Variants in TKTL1 observed in about 807,000 individuals in gnomAD.
TKTL1 encodes transketolase like 1, also known as transketolase-like protein 1.
Under a neutral mutation model 39.3 loss-of-function variants are expected in TKTL1, and 1 was observed. That is an observed-to-expected ratio of 0.03 (90% confidence interval 0.01 to 0.12). The LOEUF (loss-of-function observed/expected upper bound fraction) is 0.12. Ranked by LOEUF, TKTL1 falls within the 10% of genes least tolerant of loss-of-function variation. The pLI, the probability that TKTL1 is intolerant of heterozygous loss-of-function variation, is 1.00. For synonymous variants in TKTL1, 262 were observed against 193.8 expected, an observed-to-expected ratio of 1.35 and a Z score of -2.92; for missense variants, 575 against 509.6, an observed-to-expected ratio of 1.13 and a Z score of -1.24.
At chrX:154,315,903 A>G (rs782543463) in intron 7 of TKTL1, among the ~76,000 whole-genome samples, 10 of 111,666 alleles carry the variant, frequency 9.0e-5, no homozygotes, top group Non-Finnish European at 1.9e-4. Flanking sequence ...TCTCAAGCAC[A>G]TGCACACAAG....
intron 6 of TKTL1, 62 bp from the exon 7 acceptor site, chrX:154,315,107 TTCTG>T (rs1271775409): frequency 2.8e-6 from 3 of 1,075,899 alleles, no homozygotes; most frequent in Non-Finnish European, 3.8e-6. Context: ...GGTACCTTCC[TTCTG>T]TAGTCGTTCC....
chrX:154,298,647 T>C (rs1384060392), intron 1 of TKTL1, among the ~76,000 whole-genome samples: 1 of 111,126 alleles, frequency 9.0e-6, no homozygotes, highest in African/African-American at 3.3e-5. Flanking sequence ...GTGAGCCATG[T>C]TTGTGCCCTA....
chrX:154,325,369 G>A lies in TKTL1; in HGVS notation c.1348G>A (p.Glu450Lys). The part of the protein sequence containing the change: ...GMCFIRTTRP[E>K]TMVIYTPQER... Reference sequence around the variant, plus strand: ...GTGCTTCATTCGGACCACCCGACCAGAAACTATGGTTATTTACACCCCACA... The same window carrying A: ...GTGCTTCATTCGGACCACCCGACCAAAAACTATGGTTATTTACACCCCACA... The change falls in exon 10 of 13, where the codon GAA (glutamate) becomes AAA (lysine). Residue 450 changes from glutamate (E) to lysine (K), a missense_variant. Glu to Lys is a moderately conservative substitution (Grantham distance 56). Transcript: ENST00000369915. The A allele has an allele frequency of 8.3e-7, 1 of 1,211,995 alleles. No individual in the cohort carries two copies. The highest frequency in any genetic ancestry group is 1.1e-6 in the Non-Finnish European group (1 of 895,466).
At chrX:154,308,013 T>C (rs1388724199) in intron 2 of TKTL1, among the ~76,000 whole-genome samples, 2 of 111,548 alleles carry the variant, frequency 1.8e-5, no homozygotes, top group African/African-American at 6.5e-5. Flanking sequence ...GAATCGTAAA[T>C]ACCATCCATC....
In TKTL1 at chrX:154,310,817, C is replaced by G; in HGVS notation, c.351-19C>G. 8.3e-7 allele frequency: 1 copy of G among 1,201,065 alleles called. No homozygotes were observed. Among genetic ancestry groups the G allele is most frequent in the Non-Finnish European group, 1.1e-6 (1 of 888,113 alleles). On this transcript the variant is annotated intron_variant, in intron 3 of 12. Transcript: ENST00000369915. ...GATGATCCCCCACAGGGTCCTAAAC[C>G]TCTCTTGTCTTGCTCCAGCTACCGG...
At chrX:154,324,916 T>C (rs1329184752) in intron 9 of TKTL1, among the ~76,000 whole-genome samples, 1 of 112,572 alleles carries the variant, frequency 8.9e-6, no homozygotes. Flanking sequence ...TTACATTTTA[T>C]TGGGAAAGGG....
At chrX:154,314,587 G>A (rs1569550972) in intron 6 of TKTL1, among the ~76,000 whole-genome samples, 1 of 110,966 alleles carries the variant, frequency 9.0e-6, no homozygotes, top group African/African-American at 3.3e-5. Flanking sequence ...GTGCAGTGGT[G>A]CAATCTCGGC....
Position 154,323,189 on chromosome X carries a change from G to C in TKTL1, c.1187-18G>C. ...ATGGGGTTATGCTCCTGTTTTCATC[G>C]GGCTCTGGTTCTCTCAGGTGACGAT... On this transcript the variant is annotated intron_variant, in intron 8 of 12. Coordinates refer to ENST00000369915, the MANE Select transcript of TKTL1 (RefSeq NM_012253.4). 1.7e-6 allele frequency: 2 copies of C among 1,207,803 alleles called. No homozygotes were observed. Among genetic ancestry groups the C allele is most frequent in the South Asian group, 3.6e-5 (2 of 56,102 alleles).
chrX:154,311,161 T>C lies in TKTL1; in HGVS notation c.593T>C (p.Val198Ala). 4 of 1,211,606 alleles carry C rather than the reference T, an allele frequency of 3.3e-6. No homozygotes were observed. The highest frequency in any genetic ancestry group is 4.5e-6 in the Non-Finnish European group (4 of 895,290). Residue 198 changes from valine to alanine, a missense_variant, in exon 5 of 13, where the codon GTA (valine) becomes GCA (alanine). Val to Ala is a moderately conservative substitution (Grantham distance 64, BLOSUM62 0). Transcript: ENST00000369915. ...DGRDVEALCQ[V>A]FWQASQVKHK... is the part of the protein sequence containing the mutation. ...CGGGACGTGGAGGCACTGTGCCAGG[T>C]ATTCTGGCAGGCTTCTCAGGTGAAG...
intron 1 of TKTL1, among the ~76,000 whole-genome samples, chrX:154,298,984 C>T (rs782395472): frequency 2.2e-4 from 24 of 109,872 alleles, no homozygotes; most frequent in African/African-American, 7.3e-4. Flanking sequence ...GCTGGGATTA[C>T]AAGTGTGAGC....
chrX:154,324,698 G>A (rs1243042186), intron 9 of TKTL1, among the ~76,000 whole-genome samples: 1 of 111,588 alleles, frequency 9.0e-6, no homozygotes, highest in Non-Finnish European at 1.9e-5. Context: ...TAGGATGTAT[G>A]CATTTCACTG....
At chrX:154,328,432 G>A (rs1038361132) in intron 12 of TKTL1, among the ~76,000 whole-genome samples, 1 of 104,952 alleles carries the variant, frequency 9.5e-6, no homozygotes, top group African/African-American at 3.5e-5. Context: ...TGTAGTCCCA[G>A]CTACTTGGGA....
intron 3 of TKTL1, among the ~76,000 whole-genome samples, chrX:154,310,163 C>T (rs985239737): frequency 8.9e-6 from 1 of 111,790 alleles, no homozygotes; most frequent in East Asian, 2.8e-4. Context: ...AAGAACAGAA[C>T]TAGCAGGTGG....
chrX:154,328,740 C>T (rs1557172556), intron 12 of TKTL1, among the ~76,000 whole-genome samples: 1 of 110,246 alleles, frequency 9.1e-6, no homozygotes, highest in Non-Finnish European at 1.9e-5. Context: ...GTTCATGCGG[C>T]AGGGGCCCTC....
chrX:154,324,401 A>G (rs1208735330), intron 9 of TKTL1, among the ~76,000 whole-genome samples: 1 of 112,668 alleles, frequency 8.9e-6, no homozygotes, highest in African/African-American at 3.2e-5. Flanking sequence ...TGGCCTCCCA[A>G]AGTGCAGGGA....
intron 7 of TKTL1, among the ~76,000 whole-genome samples, chrX:154,317,735 C>T (rs1366287896): frequency 8.9e-6 from 1 of 112,489 alleles, no homozygotes; most frequent in Non-Finnish European, 1.9e-5. Context: ...TCACATATTG[C>T]CTTGGCAGGA....
At chrX:154,305,005 C>T in intron 1 of TKTL1, 1 of 1,048,553 alleles carries the variant, frequency 9.5e-7, no homozygotes, top group African/African-American at 1.9e-5. Context: ...TGTGGAAAGG[C>T]CACAGATGAA....
rs1557172241 is a variant in TKTL1, at chrX:154,327,642, A to T, written c.1453A>T (p.Thr485Ser). 1 of 1,211,406 alleles carries T rather than the reference A, an allele frequency of 8.3e-7. No individual in the cohort carries two copies. Among genetic ancestry groups the T allele is most frequent in the African/African-American group, 1.7e-5 (1 of 57,777 alleles). Residue 485 changes from threonine to serine, a missense_variant, in exon 11 of 13, where the codon ACT becomes TCT. Coordinates refer to ENST00000369915, the MANE Select transcript of TKTL1 (RefSeq NM_012253.4). Reference protein sequence around the residue: ...DKVTVIGAGITVYEALAAADE... With the variant: ...DKVTVIGAGISVYEALAAADE... Reference sequence around the variant, plus strand: ...GGTCACAGTTATTGGAGCTGGAATTACTGTGTATGAAGCCTTAGCAGCTGC... The same window carrying T: ...GGTCACAGTTATTGGAGCTGGAATTTCTGTGTATGAAGCCTTAGCAGCTGC...
intron 9 of TKTL1, among the ~76,000 whole-genome samples, chrX:154,324,421 T>A (rs976439590): frequency 8.9e-6 from 1 of 112,958 alleles, no homozygotes; most frequent in Non-Finnish European, 1.9e-5. Flanking sequence ...ATTATAGGCA[T>A]GAGCCACCGC....
Sources: gnomAD v4.1 joint callset for allele counts (sites outside exome capture counted in the v4.1 genomes callset) on GRCh38, gnomAD v4.1.1 for gene constraint, MANE v1.5 for transcripts, NCBI Gene and HGNC (gene_info 2026-07-23, HGNC 2026-07-21) for gene names.